Variants in KCNH8 observed in about 807,000 individuals in gnomAD.
The protein encoded by KCNH8 is voltage-gated delayed rectifier potassium channel KCNH8.
Under a neutral mutation model 103.6 loss-of-function variants are expected in KCNH8, and 70 were observed. The ratio of observed to expected loss-of-function variants is 0.68; its 90% CI spans 0.56 to 0.82. The LOEUF (loss-of-function observed/expected upper bound fraction) is 0.82, where lower values mean the gene tolerates loss of function less well. KCNH8 is among the 40% of genes least tolerant of loss of function. The pLI is 0.00. For missense variants in KCNH8, 1,217 were observed against 1,329.9 expected (o/e 0.92, Z 1.32); for synonymous variants, 498 against 489.4 (o/e 1.02, Z -0.23).
At chr3:19,248,653 A>G (rs555532626) in intron 1 of KCNH8, among the ~76,000 whole-genome samples, 183 of 152,342 alleles carry the variant, frequency 1.2e-3, no homozygotes, top group African/African-American at 4.2e-3. Flanking sequence ...AATCTCCAGC[A>G]TTGGATCTTA....
intron 3 of KCNH8, among the ~76,000 whole-genome samples, chr3:19,320,755 T>A (rs555824381): frequency 1.3e-5 from 2 of 152,144 alleles, no homozygotes; most frequent in South Asian, 4.1e-4. Context: ...ATACGATTGG[T>A]ACCAATTCTT....
At chr3:19,396,981 T>A (rs1276797921) in intron 7 of KCNH8, among the ~76,000 whole-genome samples, 2 of 151,998 alleles carry the variant, frequency 1.3e-5, no homozygotes, top group Non-Finnish European at 2.9e-5. Flanking sequence ...TCTGAGAGTC[T>A]CCAGATGGGG....
At chr3:19,386,380 A>G (rs1354158566) in intron 5 of KCNH8, among the ~76,000 whole-genome samples, 1 of 152,072 alleles carries the variant, frequency 6.6e-6, no homozygotes, top group Non-Finnish European at 1.5e-5. Context: ...GTATATTATG[A>G]TTAGTTTTTT....
intron 3 of KCNH8, among the ~76,000 whole-genome samples, chr3:19,287,602 G>A (rs2064850013): frequency 6.6e-6 from 1 of 151,338 alleles, no homozygotes; most frequent in Non-Finnish European, 1.5e-5. Flanking sequence ...TGTTGTTGTT[G>A]TTGAGTTGGA....
chr3:19,261,377 A>G (rs1048563171), intron 2 of KCNH8, among the ~76,000 whole-genome samples: 5 of 151,680 alleles, frequency 3.3e-5, no homozygotes, highest in South Asian at 2.1e-4. Flanking sequence ...TTATATGTCT[A>G]TTGGTCATTT....
chr3:19,254,465 G>T (rs1333296571), intron 2 of KCNH8, among the ~76,000 whole-genome samples: 1 of 152,014 alleles, frequency 6.6e-6, no homozygotes, highest in Non-Finnish European at 1.5e-5. Context: ...AATTTTCTTG[G>T]GCTCCAAACT....
chr3:19,519,856 T>C (rs2068941579), intron 15 of KCNH8, among the ~76,000 whole-genome samples: 1 of 151,960 alleles, frequency 6.6e-6, no homozygotes, highest in Non-Finnish European at 1.5e-5. Flanking sequence ...GACTGACCTA[T>C]ATCTTAGTTC....
At chr3:19,378,873 A>G (rs964391456) in intron 5 of KCNH8, among the ~76,000 whole-genome samples, 4 of 152,182 alleles carry the variant, frequency 2.6e-5, no homozygotes, top group African/African-American at 7.2e-5. Context: ...AATATATGCT[A>G]TTTCTTCACA....
intron 2 of KCNH8, among the ~76,000 whole-genome samples, chr3:19,263,699 A>G (rs2064466940): frequency 6.6e-6 from 1 of 152,068 alleles, no homozygotes; most frequent in Non-Finnish European, 1.5e-5. Context: ...CTGCCATACC[A>G]TATTTAGTGG....
At chr3:19,532,061 T>G (rs550391372) in intron 15 of KCNH8, among the ~76,000 whole-genome samples, 1 of 152,232 alleles carries the variant, frequency 6.6e-6, no homozygotes, top group African/African-American at 2.4e-5. Flanking sequence ...ATTTGAAGAA[T>G]ACAAATCTTT....
chr3:19,214,237 G>A (rs1232926025), intron 1 of KCNH8, among the ~76,000 whole-genome samples: 1 of 152,150 alleles, frequency 6.6e-6, no homozygotes, highest in Non-Finnish European at 1.5e-5. Context: ...ATAATATATA[G>A]TTACACTTTT....
rs144349943 is a variant in KCNH8 at position 19,393,879 on chromosome 3, C to T, written c.970-1225C>T. On this transcript the variant is annotated intron_variant, in intron 6 of 15. Coordinates refer to ENST00000328405, the MANE Select transcript of KCNH8 (RefSeq NM_144633.3). ...ATTTTGTTGGATATCAATTTCTACG[C>T]TGAGCTTGGAGTGTTTGCATCTTAA... Among the ~76,000 whole-genome samples, 206 of 152,208 alleles carry T rather than the reference C, an allele frequency of 1.4e-3. 1 individual carries two copies. Among genetic ancestry groups the T allele is most frequent in the African/African-American group, 4.6e-3 (192 of 41,558 alleles).
At chr3:19,211,373 A>T (rs1227484597) in intron 1 of KCNH8, among the ~76,000 whole-genome samples, 2 of 152,156 alleles carry the variant, frequency 1.3e-5, no homozygotes, top group African/African-American at 2.4e-5. Context: ...GGCAGGCTTC[A>T]TGGAAGAGGT....
At chr3:19,264,912 C>T (rs1453901982) in intron 2 of KCNH8, among the ~76,000 whole-genome samples, 1 of 152,086 alleles carries the variant, frequency 6.6e-6, no homozygotes, top group Non-Finnish European at 1.5e-5. Context: ...TGACTCCTGA[C>T]CCCTTGTACT....
chr3:19,458,058 A>G (rs2067561348), intron 11 of KCNH8, among the ~76,000 whole-genome samples: 1 of 151,888 alleles, frequency 6.6e-6, no homozygotes, highest in Non-Finnish European at 1.5e-5. Flanking sequence ...TGCTTAAGAC[A>G]AATCTTTAAG....
chr3:19,153,368 C>T (rs746438989), intron 1 of KCNH8, among the ~76,000 whole-genome samples: 7 of 152,050 alleles, frequency 4.6e-5, no homozygotes, highest in Non-Finnish European at 5.9e-5. Context: ...ATTGTGTCCA[C>T]GATATAGTCT....
intron 11 of KCNH8, among the ~76,000 whole-genome samples, chr3:19,469,705 A>G (rs769600020): frequency 1.1e-4 from 16 of 152,094 alleles, no homozygotes; most frequent in Non-Finnish European, 1.9e-4. Flanking sequence ...TTTGATTAGC[A>G]TCTCCCGAGC....
At chr3:19,403,603 A>C (rs1423425351) in intron 7 of KCNH8, among the ~76,000 whole-genome samples, 2 of 151,512 alleles carry the variant, frequency 1.3e-5, no homozygotes, top group Non-Finnish European at 3.0e-5. Context: ...AATACTGACT[A>C]AGTCTGAGTC....
chr3:19,156,978 TTTTTAAAA>T (rs1259790484), intron 1 of KCNH8, among the ~76,000 whole-genome samples: 4 of 150,850 alleles, frequency 2.7e-5, no homozygotes, highest in African/African-American at 9.9e-5. Flanking sequence ...TTTTTTTTTT[TTTTTAAAA>T]AAAAGGTTTT....
Sources: gnomAD v4.1 joint callset for allele counts (sites outside exome capture counted in the v4.1 genomes callset) on GRCh38, gnomAD v4.1.1 for gene constraint, MANE v1.5 for transcripts, NCBI Gene and HGNC (gene_info 2026-07-23, HGNC 2026-07-21) for gene names.